ITGB6: variants seen among roughly 807,000 people sequenced by gnomAD.
ITGB6 encodes integrin subunit beta 6.
A neutral mutation model predicts 84.5 loss-of-function variants in ITGB6; 80 were observed. The ratio of observed to expected loss-of-function variants is 0.95; its 90% confidence interval spans 0.79 to 1.14. The LOEUF (loss-of-function observed/expected upper bound fraction) is 1.14, where lower values mean the gene tolerates loss of function less well. Among genes scored for constraint, ITGB6 ranks in the 50% most tolerant of loss-of-function variants. The probability of loss-of-function intolerance (pLI) is 0.00; values close to 1 mark genes in which losing one functional copy is unlikely to be tolerated. For synonymous variants in ITGB6, 383 were observed against 354.9 expected, an observed-to-expected ratio of 1.08 and a Z score of -0.89; for missense variants, 1,006 against 968.0, an observed-to-expected ratio of 1.04 and a Z score of -0.52.
Position 160,178,688 on chromosome 2 carries a change from CTTTTTTT to C in ITGB6, c.594-4556_594-4550del, listed in dbSNP as rs746675372. The stretch of plus-strand genomic sequence containing the variant: ...TCTATCTTTCTCTCTCTCTCTCTCT[CTTTTTTT>C]TTTTTTTTTTTTTTGAGACAGGGTC... On this transcript the variant is annotated intron_variant, in intron 4 of 14. Coordinates refer to ENST00000283249, the MANE Select transcript of ITGB6 (RefSeq NM_000888.5). Among the ~76,000 whole-genome samples the C allele has an allele frequency of 4.8e-5, 5 of 103,732 alleles. No individual in the cohort carries two copies. In the South Asian group the frequency reaches 1.5e-3, roughly 30 times the overall value. 68.1% of individuals were successfully genotyped at this position (103,732 alleles called of 152,430 possible).
At chr2:160,105,502 T>C (rs1331088250) in intron 14 of ITGB6, among the ~76,000 whole-genome samples, 1 of 152,238 alleles carries the variant, frequency 6.6e-6, no homozygotes, top group Non-Finnish European at 1.5e-5. Context: ...GTGGAACACC[T>C]GCTTATTATT....
intron 12 of ITGB6, among the ~76,000 whole-genome samples, chr2:160,113,167 G>T (rs1384025209): frequency 6.6e-6 from 1 of 152,152 alleles, no homozygotes. Flanking sequence ...TGCTACAATG[G>T]ATCAGAACAT....
chr2:160,182,985 G>A (rs1183834907), intron 4 of ITGB6, among the ~76,000 whole-genome samples: 3 of 152,130 alleles, frequency 2.0e-5, no homozygotes, highest in Non-Finnish European at 4.4e-5. Context: ...AAGAGCTCCT[G>A]AAGGAAGCAC....
At chr2:160,192,241 G>T (rs1238514170) in intron 4 of ITGB6, among the ~76,000 whole-genome samples, 2 of 152,120 alleles carry the variant, frequency 1.3e-5, no homozygotes, top group African/African-American at 4.8e-5. Flanking sequence ...TGTAAGGGGG[G>T]TAGTGAGGCA....
chr2:160,156,229 C>T (rs571497837), intron 7 of ITGB6, among the ~76,000 whole-genome samples: 1 of 152,312 alleles, frequency 6.6e-6, no homozygotes, highest in Admixed American at 6.5e-5. Context: ...GAGTCATCAG[C>T]TCCTCATGGA....
chr2:160,117,310 C>G (rs1428794200), intron 12 of ITGB6, among the ~76,000 whole-genome samples: 3 of 151,958 alleles, frequency 2.0e-5, no homozygotes, highest in Non-Finnish European at 4.4e-5. Flanking sequence ...TTATAACAAA[C>G]TGTCTCTCAG....
At chr2:160,189,699 A>T (rs932130674) in intron 4 of ITGB6, among the ~76,000 whole-genome samples, 3 of 151,828 alleles carry the variant, frequency 2.0e-5, no homozygotes, top group Admixed American at 1.3e-4. Context: ...AAAAGTCAGG[A>T]AACAACAGGT....
chr2:160,111,020 A>T (rs1277925165), intron 13 of ITGB6, among the ~76,000 whole-genome samples: 2 of 152,196 alleles, frequency 1.3e-5, no homozygotes, highest in African/African-American at 4.8e-5. Flanking sequence ...GCATCAGGGC[A>T]TCTGTGCGTG....
At chr2:160,129,438 C>G (rs1334328050) in intron 10 of ITGB6, among the ~76,000 whole-genome samples, 5 of 151,372 alleles carry the variant, frequency 3.3e-5, no homozygotes, top group African/African-American at 1.2e-4. Flanking sequence ...TTTTGCCTCC[C>G]AAGTTTTGCT....
chr2:160,101,850 AG>A lies in ITGB6; in HGVS notation c.2269-17del. On this transcript the variant is annotated splice_polypyrimidine_tract_variant and intron_variant, in intron 14 of 14. Coordinates refer to ENST00000283249, the MANE Select transcript of ITGB6 (RefSeq NM_000888.5). ...GATTGGTTCCCTGGAAAAAAAAAAA[AG>A]ATTCAAGTGAAAGTATGTATATTTT... 3 of 1,121,418 alleles carry A rather than the reference AG, an allele frequency of 2.7e-6. No homozygotes were observed. Among genetic ancestry groups the A allele is most frequent in the East Asian group, 2.4e-5 (1 of 42,324 alleles). 69.5% of individuals were successfully genotyped at this position (1,121,418 alleles called of 1,614,324 possible).
Position 160,101,809 on chromosome 2 carries a change from GA to G in ITGB6, c.2293del (p.Ser765ProfsTer8). 1 of 1,593,534 alleles carries G rather than the reference GA, an allele frequency of 6.3e-7. No homozygotes were observed. The highest frequency in any genetic ancestry group is 8.6e-7 in the Non-Finnish European group (1 of 1,163,758). On this transcript the variant is annotated frameshift_variant, in exon 15 of 15. Coordinates refer to ENST00000283249, the MANE Select transcript of ITGB6 (RefSeq NM_000888.5). LOFTEE classifies it high-confidence loss of function. The stretch of plus-strand genomic sequence containing the variant: ...AGTTACATTTTTAAAAGTACTTGTG[GA>G]TCCTCTGTAGAGTGGATTGGTTCCC... The part of the protein sequence containing the change: ...QTGTNPLYRG[S>X]TSTFKNVTYK...
At chr2:160,126,320 G>T in intron 11 of ITGB6, 59 bp downstream of exon 11, 1 of 1,495,700 alleles carries the variant, frequency 6.7e-7, no homozygotes, top group Non-Finnish European at 9.3e-7. Flanking sequence ...AAATGCCACT[G>T]TAAGTTTGAT....
chr2:160,147,504 C>G (rs894805164), intron 7 of ITGB6, among the ~76,000 whole-genome samples: 2 of 152,164 alleles, frequency 1.3e-5, no homozygotes, highest in Non-Finnish European at 2.9e-5. Context: ...TATGGAAAGG[C>G]AAATGATCCA....
Position 160,195,312 on chromosome 2 carries a change from G to A in ITGB6, c.593+57C>T, listed in dbSNP as rs373484682. 61 of 1,605,272 alleles carry A rather than the reference G, an allele frequency of 3.8e-5. No homozygotes were observed. The African/African-American group carries it at 4.3e-4, about 11-fold the overall frequency. ...GCTCCTGGCAAGTGCAGCTCAGAGC[G>A]GGAGTATCTCCACAGAAAATCAGCG... On this transcript the variant is annotated intron_variant, in intron 4 of 14. Transcript: ENST00000283249.
rs879642337 is a variant in ITGB6, at chr2:160,150,730, T to C, written c.1018-8659A>G. Among the ~76,000 whole-genome samples, 109 of 152,102 alleles carry C rather than the reference T, an allele frequency of 7.2e-4. 1 individual carries two copies. Among genetic ancestry groups the C allele is most frequent in the South Asian group, 8.3e-4 (4 of 4,810 alleles). On this transcript the variant is annotated intron_variant, in intron 7 of 14. Transcript: ENST00000283249. ...GACACATTTCACGTGCAAAGATGCA[T>C]ATAGGCTCAAAATAAAGGGATGGAG...
Position 160,101,815 on chromosome 2 carries a change from C to T in ITGB6, c.2288G>A (p.Arg763Lys), listed in dbSNP as rs1696731474. 1 of 1,578,692 alleles carries T rather than the reference C, an allele frequency of 6.3e-7. No individual in the cohort carries two copies. Among genetic ancestry groups the T allele is most frequent in the Non-Finnish European group, 8.7e-7 (1 of 1,155,452 alleles). Residue 763 changes from arginine to lysine, a missense_variant, in exon 15 of 15, where the codon AGA (arginine) becomes AAA (lysine). By Grantham distance (26) the Arg-to-Lys change is conservative. Transcript: ENST00000283249. ...KWQTGTNPLY[R>K]GSTSTFKNVT... ...ATTTTTAAAAGTACTTGTGGATCCT[C>T]TGTAGAGTGGATTGGTTCCCTGGAA... is the stretch of plus-strand genomic sequence containing the variant.
At chr2:160,121,928 G>A (rs1203988120) in intron 12 of ITGB6, among the ~76,000 whole-genome samples, 1 of 150,298 alleles carries the variant, frequency 6.7e-6, no homozygotes, top group African/African-American at 2.4e-5. Context: ...TACTCCCCAG[G>A]AGTAAAATAA....
intron 7 of ITGB6, among the ~76,000 whole-genome samples, chr2:160,154,740 C>T (rs1684558523): frequency 6.6e-6 from 1 of 150,916 alleles, no homozygotes; most frequent in South Asian, 2.1e-4. Context: ...TCAAATGAAA[C>T]ATGATTCAGA....
In ITGB6 at chr2:160,137,439, C is replaced by T. The variant is rs1683785799; in HGVS notation, c.1655G>A (p.Cys552Tyr). ...TGGATTTCAACATAGCCTACCTCCG[C>T]AGAGCAGCCCTTTGTGTCTCACGCA... ...FSCVRHKGLL[C>Y]GGNGDCDCGE... The change falls in exon 10 of 15, where the codon TGC becomes TAC. Residue 552 changes from cysteine (C) to tyrosine (Y), a missense_variant. Coordinates refer to ENST00000283249, the MANE Select transcript of ITGB6 (RefSeq NM_000888.5). 5 of 1,606,756 alleles carry T rather than the reference C, an allele frequency of 3.1e-6. No homozygotes were observed. Among genetic ancestry groups the T allele is most frequent in the Non-Finnish European group, 4.3e-6 (5 of 1,174,754 alleles).
Sources: gnomAD v4.1 joint callset for allele counts (sites outside exome capture counted in the v4.1 genomes callset) on GRCh38, gnomAD v4.1.1 for gene constraint, MANE v1.5 for transcripts, NCBI Gene and HGNC (gene_info 2026-07-23, HGNC 2026-07-21) for gene names.